The following ANO2 variants were observed in gnomAD, a reference collection of about 807,000 sequenced individuals.
ANO2 encodes anoctamin-2.
In ANO2, 101 loss-of-function variants were observed where a neutral mutation model predicts 124.2. The observed-to-expected ratio is 0.81, with a 90% CI of 0.69 to 0.96. The LOEUF (loss-of-function observed/expected upper bound fraction) is 0.96. Ranked by LOEUF, ANO2 falls within the 40% of genes least tolerant of loss-of-function variation. ANO2 has a pLI of 0.00. For synonymous variants in ANO2, 486 were observed against 482.5 expected (o/e 1.01, Z -0.09); for missense variants, 1,293 against 1,274.5 (o/e 1.01, Z -0.22).
chr12:5,796,800 G>A (rs1952876278), intron 10 of ANO2, among the ~76,000 whole-genome samples: 1 of 152,200 alleles, frequency 6.6e-6, no homozygotes, highest in Non-Finnish European at 1.5e-5. Context: ...GACTCAAAAT[G>A]AGGCCTGAAG....
At chr12:5,856,677 C>T (rs1158340664) in intron 3 of ANO2, 1 of 152,268 alleles carries the variant, frequency 6.6e-6, no homozygotes, top group Non-Finnish European at 1.5e-5. Context: ...GGTTAAAGTC[C>T]GGGCCAGAAA....
chr12:5,904,644 C>T lies in ANO2; in HGVS notation c.534+16396G>A, dbSNP rs1298758266. On this transcript the variant is annotated intron_variant, in intron 3 of 24. Coordinates refer to ENST00000682330, the MANE Select transcript of ANO2 (RefSeq NM_001364791.2). The surrounding 1 kb of genome is among the most constrained non-coding windows in gnomAD (Gnocchi z 4.1). ...GGTACCACACGGCCCCGACATGCCA[C>T]AGCACCCGATGCTCCTTCTCGATCT... is the stretch of plus-strand genomic sequence containing the variant. Among the ~76,000 whole-genome samples, 5 of 152,222 alleles carry T rather than the reference C, an allele frequency of 3.3e-5. No individual in the cohort carries two copies. The highest frequency in any genetic ancestry group is 5.9e-5 in the Non-Finnish European group (4 of 68,048).
Position 5,620,117 on chromosome 12 carries a change from T to C in ANO2, c.1817-4820A>G, listed in dbSNP as rs77812146. On this transcript the variant is annotated intron_variant, in intron 16 of 24. Coordinates refer to ENST00000682330, the MANE Select transcript of ANO2 (RefSeq NM_001364791.2). The stretch of plus-strand genomic sequence containing the variant: ...CCGTCTAGTATAAATCACTGGGAAT[T>C]GATGCCAACATTATCCAAACAGCAC... Among the ~76,000 whole-genome samples, 831 of 152,316 alleles carry C rather than the reference T, an allele frequency of 5.5e-3. 12 individuals are homozygous for C. Among genetic ancestry groups the C allele is most frequent in the African/African-American group, 0.017 (714 of 41,568 alleles).
chr12:5,753,821 T>C (rs188630890), intron 10 of ANO2, among the ~76,000 whole-genome samples: 1 of 152,322 alleles, frequency 6.6e-6, no homozygotes, highest in African/African-American at 2.4e-5. Context: ...TATGAGATCA[T>C]GTCATCTGGA....
chr12:5,815,584 T>TA (rs1953581396), intron 7 of ANO2, among the ~76,000 whole-genome samples: 1 of 152,190 alleles, frequency 6.6e-6, no homozygotes, highest in Non-Finnish European at 1.5e-5. Context: ...TACAGAAAGA[T>TA]ATTGCTGTAG....
intron 12 of ANO2, chr12:5,740,894 T>A (rs1354143065): frequency 6.6e-6 from 1 of 152,448 alleles, no homozygotes; most frequent in Non-Finnish European, 1.5e-5. Flanking sequence ...CTCACCGTCA[T>A]CTCCATACTC....
At chr12:5,943,749 A>C (rs561674546) in intron 1 of ANO2, among the ~76,000 whole-genome samples, 1 of 152,226 alleles carries the variant, frequency 6.6e-6, no homozygotes, top group Non-Finnish European at 1.5e-5. Flanking sequence ...AATACCTGCT[A>C]TGCATGTGCT....
intron 10 of ANO2, among the ~76,000 whole-genome samples, chr12:5,764,783 G>A (rs1276911779): frequency 6.6e-6 from 1 of 151,638 alleles, no homozygotes; most frequent in East Asian, 1.9e-4. Flanking sequence ...ATCGTTCAGA[G>A]ACAGATTTCC....
chr12:5,592,487 G>T (rs770758338), intron 20 of ANO2, among the ~76,000 whole-genome samples: 5 of 152,170 alleles, frequency 3.3e-5, no homozygotes, highest in African/African-American at 1.2e-4. Flanking sequence ...ATACACACAC[G>T]CGGGCCTGCA....
intron 10 of ANO2, among the ~76,000 whole-genome samples, chr12:5,756,600 G>T (rs1181722404): frequency 2.6e-5 from 4 of 152,230 alleles, no homozygotes; most frequent in African/African-American, 9.6e-5. Context: ...AGCTGGGTGG[G>T]GTCCAAGGGT....
At chr12:5,583,873 A>G (rs1340233438) in intron 20 of ANO2, 2 of 197,834 alleles carry the variant, frequency 1.0e-5, no homozygotes, top group South Asian at 2.3e-4. Context: ...GTGAACAAAG[A>G]TGGCATTCCC....
chr12:5,825,358 C>T (rs1243810716), intron 7 of ANO2, among the ~76,000 whole-genome samples: 2 of 152,198 alleles, frequency 1.3e-5, no homozygotes, highest in East Asian at 1.9e-4. Context: ...TCTGAATCAC[C>T]ATCCAATATA....
At chr12:5,608,454 A>G (rs1944324471) in intron 19 of ANO2, among the ~76,000 whole-genome samples, 1 of 152,052 alleles carries the variant, frequency 6.6e-6, no homozygotes, top group South Asian at 2.1e-4. Flanking sequence ...GTAGAAATTG[A>G]AAGGAAACAT....
intron 14 of ANO2, among the ~76,000 whole-genome samples, chr12:5,710,510 G>A (rs963756945): frequency 6.6e-6 from 1 of 152,220 alleles, no homozygotes; most frequent in African/African-American, 2.4e-5. Context: ...GGAGGCAGTG[G>A]TTAAACAGGA....
At chr12:5,596,635 C>G (rs1943673976) in intron 20 of ANO2, among the ~76,000 whole-genome samples, 1 of 152,004 alleles carries the variant, frequency 6.6e-6, no homozygotes, top group South Asian at 2.1e-4. Context: ...TCTTCTAGTT[C>G]TTTACTTTTT....
At chr12:5,770,563 G>A (rs1237453108) in intron 10 of ANO2, among the ~76,000 whole-genome samples, 2 of 151,882 alleles carry the variant, frequency 1.3e-5, no homozygotes, top group African/African-American at 4.8e-5. Context: ...TCCTATAGAC[G>A]CTACTTTCAA....
chr12:5,572,639 AAGCCTTT>A (rs1289920290), intron 23 of ANO2, among the ~76,000 whole-genome samples: 7 of 152,206 alleles, frequency 4.6e-5, no homozygotes, highest in African/African-American at 1.7e-4. Context: ...AACCAATGCC[AAGCCTTT>A]AGTAGGGTCT....
chr12:5,916,492 TAAAA>T (rs57056611), intron 3 of ANO2, among the ~76,000 whole-genome samples: 1 of 93,160 alleles, frequency 1.1e-5, no homozygotes. Context: ...CGCAGCAGGT[TAAAA>T]AAAAAAAAAA....
At chr12:5,790,437 T>C (rs1952664612) in intron 10 of ANO2, among the ~76,000 whole-genome samples, 1 of 152,228 alleles carries the variant, frequency 6.6e-6, no homozygotes. Context: ...GCCACTCATC[T>C]GCCTTAGCCC....
Sources: allele counts gnomAD v4.1 joint callset (sites outside exome capture counted in the v4.1 genomes callset), GRCh38; gene constraint gnomAD v4.1.1; non-coding constraint Gnocchi (gnomAD v3.1); transcripts MANE v1.5; gene names NCBI Gene and HGNC (gene_info 2026-07-23, HGNC 2026-07-21).